Variants in COL6A6 observed in about 807,000 individuals in gnomAD.
COL6A6 encodes collagen alpha-6(VI) chain.
Under a neutral mutation model 208.6 loss-of-function variants are expected in COL6A6, and 183 were observed. That is an observed-to-expected ratio of 0.88 (90% CI 0.78 to 0.99). The LOEUF (loss-of-function observed/expected upper bound fraction) is 0.99. COL6A6 is among the 50% of genes least tolerant of loss of function. The probability of loss-of-function intolerance (pLI) is 0.00; values close to 1 mark genes in which losing one functional copy is unlikely to be tolerated. For missense variants in COL6A6, 2,816 were observed against 2,815.2 expected (o/e 1.00, Z -0.01); for synonymous variants, 973 against 1,011.8 (o/e 0.96, Z 0.73).
chr3:130,518,406 A>G (rs1710865019), intron 1 of COL6A6, among the ~76,000 whole-genome samples: 1 of 152,238 alleles, frequency 6.6e-6, no homozygotes. Context: ...CAGTGTCTTC[A>G]TAGAGGAAGT....
At chr3:130,634,242 T>TAAAA (rs202193097) in intron 26 of COL6A6, among the ~76,000 whole-genome samples, 275 of 23,748 alleles carry the variant, frequency 0.012, no homozygotes, top group Middle Eastern at 0.026. Context: ...AATAAATAAA[T>TAAAA]AAAAAAAAAA....
chr3:130,663,115 T>C (rs1317975615), intron 35 of COL6A6, among the ~76,000 whole-genome samples: 1 of 152,136 alleles, frequency 6.6e-6, no homozygotes, highest in Admixed American at 6.5e-5. Flanking sequence ...TCAACTGAGG[T>C]CCTGATTGTG....
rs970935463 is a variant in COL6A6 at position 130,517,371 on chromosome 3, T to G, written c.-58T>G. Among the ~76,000 whole-genome samples the G allele has an allele frequency of 6.6e-6, 1 of 152,210 alleles. No homozygotes were observed. Among genetic ancestry groups the G allele is most frequent in the Non-Finnish European group, 1.5e-5 (1 of 68,018 alleles). ...GCCCCGGGCTTTCGAAGTGCAGGGC[T>G]GGGGGCTGCATGGAAGTTTCCCCAA... On this transcript the variant is annotated 5_prime_UTR_variant, in exon 1 of 37. Coordinates refer to ENST00000358511, the MANE Select transcript of COL6A6 (RefSeq NM_001102608.3).
At chr3:130,565,787 T>C (rs1046443201) in intron 4 of COL6A6, among the ~76,000 whole-genome samples, 173 bp downstream of exon 4, 1 of 152,236 alleles carries the variant, frequency 6.6e-6, no homozygotes, top group Non-Finnish European at 1.5e-5. Context: ...TAAAAGCCAT[T>C]GAGGTGTTGG....
Position 130,643,005 on chromosome 3 carries a change from T to C in COL6A6, c.5209T>C (p.Tyr1737His). 6.2e-7 allele frequency: 1 copy of C among 1,613,914 alleles called. No homozygotes were observed. The highest frequency in any genetic ancestry group is 1.3e-5 in the African/African-American group (1 of 75,060). ...ASFSTCELIQ[Y>H]VRDRSPGRHG... ...ACTGCAGACATGTGAGCTCATTCAG[T>C]ATGTGCGAGACCGCAGTCGTAAGTA... Residue 1737 changes from tyrosine (Y) to histidine (H), a missense_variant, in exon 31 of 37, where the codon TAT (tyrosine) becomes CAT (histidine). Tyr to His is a moderately conservative substitution (Grantham distance 83). Transcript: ENST00000358511.
chr3:130,593,005 G>T, intron 15 of COL6A6, 56 bp from the exon 16 acceptor site: 2 of 1,504,950 alleles, frequency 1.3e-6, no homozygotes, highest in Middle Eastern at 1.7e-4. Flanking sequence ...TTTGGCATCT[G>T]ACTTCTTTAC....
At chr3:130,603,963 TTCCTG>T (rs2064103873) in intron 20 of COL6A6, among the ~76,000 whole-genome samples, 1 of 152,144 alleles carries the variant, frequency 6.6e-6, no homozygotes, top group Non-Finnish European at 1.5e-5. Flanking sequence ...GAGATTTTCT[TTCCTG>T]ACGTGCCCAT....
chr3:130,537,881 T>G (rs1431624524), intron 1 of COL6A6, among the ~76,000 whole-genome samples: 1 of 152,222 alleles, frequency 6.6e-6, no homozygotes, highest in East Asian at 1.9e-4. Context: ...AACAGCAACT[T>G]GGAGATACAG....
chr3:130,524,392 A>G (rs899451957), intron 1 of COL6A6, among the ~76,000 whole-genome samples: 2 of 152,236 alleles, frequency 1.3e-5, no homozygotes, highest in African/African-American at 4.8e-5. Context: ...GCCCCACTCT[A>G]AACATACAAA....
intron 8 of COL6A6, among the ~76,000 whole-genome samples, chr3:130,575,820 T>A (rs182394177): frequency 3.3e-5 from 5 of 152,262 alleles, no homozygotes; most frequent in African/African-American, 1.2e-4. Flanking sequence ...CATAGGTCCT[T>A]CGAAGATTCC....
At chr3:130,533,185 G>A (rs2062143933) in intron 1 of COL6A6, among the ~76,000 whole-genome samples, 1 of 147,748 alleles carries the variant, frequency 6.8e-6, no homozygotes, top group Non-Finnish European at 1.5e-5. Flanking sequence ...ATATTTTACC[G>A]TATTTTCTAA....
At position 130,649,308 on chromosome 3, in the gene COL6A6, G is replaced by T. The variant is rs767477745; in HGVS notation, c.5479G>T (p.Glu1827Ter). The T allele has an allele frequency of 1.9e-6, 3 of 1,607,022 alleles. No individual in the cohort carries two copies. Among genetic ancestry groups the T allele is most frequent in the South Asian group, 2.2e-5 (2 of 89,306 alleles). ...DAYKKSQLLR[E>*]IETIPYERSS... ...CTACAAGAAGAGTCAACTTCTCAGA[G>T]AAATTGAAACTATTCCTTATGAGAG... Residue 1827 changes from glutamate to a stop codon, truncating the protein, a stop_gained, in exon 33 of 37, where the codon GAA (glutamate) becomes TAA (stop). Transcript: ENST00000358511. LOFTEE classifies it high-confidence loss of function.
At chr3:130,561,813 C>T (rs377048584) in intron 2 of COL6A6, among the ~76,000 whole-genome samples, 14 of 151,194 alleles carry the variant, frequency 9.3e-5, no homozygotes, top group East Asian at 1.9e-4. Context: ...CCACCGCGCC[C>T]GGCTAATTTT....
rs1415267917 is a variant in COL6A6, at chr3:130,574,274, A to G, written c.3296A>G (p.Asn1099Ser). The G allele has an allele frequency of 6.2e-7, 1 of 1,613,886 alleles. No homozygotes were observed. The highest frequency in any genetic ancestry group is 1.3e-5 in the African/African-American group (1 of 74,950). Residue 1099 changes from asparagine (N) to serine (S), a missense_variant, in exon 8 of 37, where the codon AAT becomes AGT. Transcript: ENST00000358511. ...AGGCCAGACATGGGCAGCAGGATAA[A>G]TACAGGTACCCCACAGGTGCTGCTG... is the stretch of plus-strand genomic sequence containing the variant. ...YFRPDMGSRI[N>S]TGTPQVLLVL...
At chr3:130,546,701 G>C (rs2062508944) in intron 1 of COL6A6, among the ~76,000 whole-genome samples, 1 of 152,056 alleles carries the variant, frequency 6.6e-6, no homozygotes, top group Non-Finnish European at 1.5e-5. Flanking sequence ...GTCGTCACCA[G>C]ATTAACTAGA....
At chr3:130,598,776 A>G (rs1281746091) in intron 19 of COL6A6, among the ~76,000 whole-genome samples, 1 of 152,194 alleles carries the variant, frequency 6.6e-6, no homozygotes, top group African/African-American at 2.4e-5. Context: ...CAGTATCTGG[A>G]GGTAACATAC....
intron 12 of COL6A6, chr3:130,589,853 T>A (rs2063631649): frequency 3.5e-6 from 1 of 282,618 alleles, no homozygotes; most frequent in Non-Finnish European, 7.1e-6. Flanking sequence ...ATACAGTTTG[T>A]TTACATGTGT....
At position 130,566,900 on chromosome 3, in the gene COL6A6, C is replaced by T. The variant is rs777798650; in HGVS notation, c.1481C>T (p.Ser494Phe). Residue 494 changes from serine to phenylalanine, a missense_variant, in exon 5 of 37, where the codon TCC becomes TTC. Physicochemically the swap from Ser to Phe is radical, Grantham distance 155. Transcript: ENST00000358511. ...TTGGAATTTGAGATCAATAAATACT[C>T]CAACAAGCAGGATTTGGGAAAGGCC... ...WDLEFEINKY[S>F]NKQDLGKAIE... 2 of 1,613,806 alleles carry T rather than the reference C, an allele frequency of 1.2e-6. No individual in the cohort carries two copies.
At chr3:130,538,543 C>T (rs1275443979) in intron 1 of COL6A6, among the ~76,000 whole-genome samples, 1 of 152,168 alleles carries the variant, frequency 6.6e-6, no homozygotes, top group African/African-American at 2.4e-5. Flanking sequence ...TCATTTAACC[C>T]CCAAAACAAT....
Sources: allele counts gnomAD v4.1 joint callset (sites outside exome capture counted in the v4.1 genomes callset), GRCh38; gene constraint gnomAD v4.1.1; transcripts MANE v1.5; gene names NCBI Gene and HGNC (gene_info 2026-07-23, HGNC 2026-07-21).